Variants in CCM2 observed in about 807,000 individuals in gnomAD.
The protein encoded by CCM2 is cerebral cavernous malformations 2 protein.
Under a neutral mutation model 44.9 loss-of-function variants are expected in CCM2, and 25 were observed. The observed-to-expected ratio is 0.56, with a 90% CI of 0.41 to 0.78. The LOEUF is 0.78. CCM2 is among the 30% of genes least tolerant of loss of function. CCM2 has a pLI of 0.00. For missense variants in CCM2, 481 were observed against 580.6 expected, an observed-to-expected ratio of 0.83 and a Z score of 1.76; for synonymous variants, 219 against 241.1, an observed-to-expected ratio of 0.91 and a Z score of 0.85.
At chr7:45,051,816 C>T (rs1048327118) in intron 2 of CCM2, among the ~76,000 whole-genome samples, 1 of 151,964 alleles carries the variant, frequency 6.6e-6, no homozygotes, top group Non-Finnish European at 1.5e-5. Flanking sequence ...CCACCTCGGC[C>T]CCCCAAAATG....
intron 1 of CCM2, among the ~76,000 whole-genome samples, chr7:45,010,693 G>A (rs1796032475): frequency 6.6e-6 from 1 of 152,004 alleles, no homozygotes; most frequent in South Asian, 2.1e-4. Context: ...TGCCTCCTGG[G>A]TTCAAGTGAT....
chr7:45,050,661 C>T (rs1282584599), intron 2 of CCM2, among the ~76,000 whole-genome samples: 2 of 152,172 alleles, frequency 1.3e-5, no homozygotes, highest in African/African-American at 4.8e-5. Context: ...TTTCAGACTA[C>T]CTTTCTAGAT....
rs1392580638 is a variant in CCM2 at position 45,038,319 on chromosome 7, C to T, written c.97C>T (p.His33Tyr). 1 of 1,614,154 alleles carries T rather than the reference C, an allele frequency of 6.2e-7. No homozygotes were observed. Among genetic ancestry groups the T allele is most frequent in the East Asian group, 2.2e-5 (1 of 44,890 alleles). Reference sequence around the variant, plus strand: ...TGAAAAGAGTAGAGATAAGAAAGCCCATGAGAAGGTGACAGAGAGGCGCCC... The same window carrying T: ...TGAAAAGAGTAGAGATAAGAAAGCCTATGAGAAGGTGACAGAGAGGCGCCC... Reference protein sequence around the residue: ...KGEKSRDKKAHEKVTERRPLH... With the variant: ...KGEKSRDKKAYEKVTERRPLH... Residue 33 changes from histidine (H) to tyrosine (Y), a missense_variant, in exon 2 of 10, where the codon CAT (histidine) becomes TAT (tyrosine). His to Tyr is a moderately conservative substitution (Grantham distance 83). Coordinates refer to ENST00000258781, the MANE Select transcript of CCM2 (RefSeq NM_031443.4).
intron 1 of CCM2, among the ~76,000 whole-genome samples, chr7:45,026,641 T>TA (rs1191932811): frequency 6.0e-5 from 9 of 149,656 alleles, no homozygotes; most frequent in Non-Finnish European, 1.3e-4. Context: ...CTCACTCTGT[T>TA]ACCCAGGCTG....
At chr7:45,007,004 A>T (rs991869364) in intron 1 of CCM2, among the ~76,000 whole-genome samples, 1 of 152,222 alleles carries the variant, frequency 6.6e-6, no homozygotes, top group African/African-American at 2.4e-5. Context: ...GTAGTAACTC[A>T]TCAAGACAGA....
At chr7:45,014,820 T>C (rs897797436) in intron 1 of CCM2, among the ~76,000 whole-genome samples, 101 of 148,028 alleles carry the variant, frequency 6.8e-4, no homozygotes, top group African/African-American at 2.2e-3. Flanking sequence ...CGGGGTTTCG[T>C]CATGTTGGCC....
chr7:45,037,163 AC>A (rs921752761), intron 1 of CCM2, among the ~76,000 whole-genome samples: 8 of 106,116 alleles, frequency 7.5e-5, no homozygotes, highest in Non-Finnish European at 1.6e-4. Flanking sequence ...CCAGACCCCC[AC>A]CCCCCGCCGC....
intron 1 of CCM2, among the ~76,000 whole-genome samples, chr7:45,011,012 T>C (rs1321787666): frequency 6.6e-6 from 1 of 152,168 alleles, no homozygotes; most frequent in East Asian, 1.9e-4. Flanking sequence ...TGCCAAACTT[T>C]CTGCTAAATT....
chr7:45,051,838 G>A (rs942390612), intron 2 of CCM2, among the ~76,000 whole-genome samples: 1 of 152,020 alleles, frequency 6.6e-6, no homozygotes, highest in Admixed American at 6.6e-5. Context: ...TGGGATTATA[G>A]GCATGAGCCA....
At chr7:45,008,697 G>T (rs1369403760) in intron 1 of CCM2, among the ~76,000 whole-genome samples, 1 of 152,128 alleles carries the variant, frequency 6.6e-6, no homozygotes, top group South Asian at 2.1e-4. Context: ...CCTTGGTCAG[G>T]TCTAAGTGTC....
chr7:45,073,274 C>T (rs1412599002), intron 7 of CCM2, 186 bp from the exon 8 acceptor site: 2 of 633,978 alleles, frequency 3.2e-6, no homozygotes, highest in Non-Finnish European at 5.8e-6. Flanking sequence ...CGGGGAGCCC[C>T]AGGACCAGGC....
chr7:45,045,956 T>C (rs1371333339), intron 2 of CCM2, among the ~76,000 whole-genome samples: 3 of 152,186 alleles, frequency 2.0e-5, no homozygotes, highest in South Asian at 2.1e-4. Flanking sequence ...CTGAAAACTA[T>C]AGAACACTGA....
chr7:45,074,175 G>T lies in CCM2; in HGVS notation c.916-95G>T, dbSNP rs1799226888. ...AGAGGTGAAGCCAGAGACAGCTGGT[G>T]CTCTGGCTGGGGTTAGTGGCTGTGG... On this transcript the variant is annotated intron_variant, in intron 8 of 9. Transcript: ENST00000258781. 6.3e-6 allele frequency: 10 copies of T among 1,592,584 alleles called. No individual in the cohort carries two copies. In the Admixed American group the frequency reaches 1.5e-4, roughly 25 times the overall value.
chr7:45,030,047 C>T, intron 1 of CCM2, among the ~76,000 whole-genome samples: 1 of 152,308 alleles, frequency 6.6e-6, no homozygotes, highest in East Asian at 1.9e-4. Context: ...TGTGTTCCCT[C>T]CTCCTGGCTC....
At chr7:45,066,758 G>A (rs2128748923) in intron 4 of CCM2, among the ~76,000 whole-genome samples, 1 of 152,180 alleles carries the variant, frequency 6.6e-6, no homozygotes, top group African/African-American at 2.4e-5. Flanking sequence ...CTCGCTGCCC[G>A]CATCCTTAGG....
intron 1 of CCM2, among the ~76,000 whole-genome samples, chr7:45,032,471 T>C (rs1797013662): frequency 1.3e-5 from 2 of 152,214 alleles, no homozygotes; most frequent in Non-Finnish European, 2.9e-5. Flanking sequence ...GAACAGCAGC[T>C]TTAAGAACAG....
intron 1 of CCM2, among the ~76,000 whole-genome samples, chr7:45,014,622 C>CTTTTTTT (rs34116061): frequency 8.1e-6 from 1 of 123,990 alleles, no homozygotes; most frequent in Non-Finnish European, 1.6e-5. Context: ...CAGTCTTAAC[C>CTTTTTTT]TTTTTTTTTT....
At chr7:45,072,949 G>A (rs999253822) in intron 7 of CCM2, 166 bp downstream of exon 7, 38 of 698,016 alleles carry the variant, frequency 5.4e-5, no homozygotes, top group African/African-American at 5.3e-4. Flanking sequence ...CTGGCTCGCC[G>A]CCCTCTCCTC....
At chr7:45,027,296 C>T (rs914832419) in intron 1 of CCM2, 96 of 335,388 alleles carry the variant, frequency 2.9e-4, no homozygotes, top group African/African-American at 1.8e-3. Flanking sequence ...ACCAACAGCA[C>T]GGCCTGTTGT....
Sources: allele counts gnomAD v4.1 joint callset (sites outside exome capture counted in the v4.1 genomes callset), GRCh38; gene constraint gnomAD v4.1.1; transcripts MANE v1.5; gene names NCBI Gene and HGNC (gene_info 2026-07-23, HGNC 2026-07-21).